ZFYVE28: variants seen among roughly 807,000 people sequenced by gnomAD.
The protein encoded by ZFYVE28 is zinc finger FYVE-type containing 28, also known as lateral signaling target protein 2 homolog.
A neutral mutation model predicts 82.1 loss-of-function variants in ZFYVE28; 40 were observed. The ratio of observed to expected loss-of-function variants is 0.49; its 90% confidence interval spans 0.38 to 0.63. ZFYVE28 has a LOEUF of 0.63. Ranked by LOEUF, ZFYVE28 falls within the 30% of genes least tolerant of loss-of-function variation. ZFYVE28 has a pLI of 0.00. For synonymous variants in ZFYVE28, 612 were observed against 546.1 expected (o/e 1.12, Z -1.68); for missense variants, 1,321 against 1,242.1 (o/e 1.06, Z -0.96).
At chr4:2,276,922 C>T (rs1298144376) in intron 8 of ZFYVE28, among the ~76,000 whole-genome samples, 7 of 151,476 alleles carry the variant, frequency 4.6e-5, no homozygotes, top group African/African-American at 1.2e-4. Context: ...TTCAATGCCA[C>T]GAAATTGTAC....
rs1324996858 is a variant in ZFYVE28 at position 2,335,162 on chromosome 4, T to C, written c.701+543A>G. Among the ~76,000 whole-genome samples the C allele has an allele frequency of 6.6e-6, 1 of 151,846 alleles. No homozygotes were observed. The highest frequency in any genetic ancestry group is 1.9e-4 in the East Asian group (1 of 5,134). On this transcript the variant is annotated intron_variant, in intron 6 of 12. Coordinates refer to ENST00000290974, the MANE Select transcript of ZFYVE28 (RefSeq NM_020972.3). This position sits in a 1 kb window ranked among gnomAD's most constrained non-coding sequence, Gnocchi z 5.8. ...TCCCTGCTCTCCCAGACGGCCCCGC[T>C]GGCAGGAAAGGTTCCACACAGGTAT...
In ZFYVE28 at chr4:2,276,427, T is replaced by C. The variant is rs1234527282; in HGVS notation, c.2052-2211A>G. Among the ~76,000 whole-genome samples the C allele has an allele frequency of 3.8e-4, 58 of 152,224 alleles. 1 individual carries two copies. The highest frequency in any genetic ancestry group is 3.8e-3 in the Admixed American group (58 of 15,286). On this transcript the variant is annotated intron_variant, in intron 8 of 12. Coordinates refer to ENST00000290974, the MANE Select transcript of ZFYVE28 (RefSeq NM_020972.3). The stretch of plus-strand genomic sequence containing the variant: ...AGCTGAATAAGGGAGGGGCCTTCAC[T>C]GTCCAGGATGTCAGCTTCCACTCGG...
chr4:2,352,941 C>T (rs191863594), intron 2 of ZFYVE28, among the ~76,000 whole-genome samples: 1 of 152,360 alleles, frequency 6.6e-6, no homozygotes, highest in African/African-American at 2.4e-5. Context: ...TTTCCTCCTC[C>T]AGGCTCCAGG....
In ZFYVE28 at chr4:2,368,587, G is replaced by A. The variant is rs575898257; in HGVS notation, c.40-14514C>T. 2.4e-3 allele frequency among the ~76,000 whole-genome samples: 372 copies of A among 152,258 alleles called. 1 individual carries two copies. The highest frequency in any genetic ancestry group is 8.4e-3 in the African/African-American group (350 of 41,546). ...ACATTTCCTGTGCATAGAATCATAC[G>A]AAATGGGGCATTTTGTGTCTGTTAC... On this transcript the variant is annotated intron_variant, in intron 1 of 12. Coordinates refer to ENST00000290974, the MANE Select transcript of ZFYVE28 (RefSeq NM_020972.3).
chr4:2,415,451 T>TACACACAC (rs58420760), intron 1 of ZFYVE28, among the ~76,000 whole-genome samples: 3,383 of 147,224 alleles, frequency 0.023, 60 homozygotes, highest in East Asian at 0.038. Flanking sequence ...ACCCTGTCTC[T>TACACACAC]ACACACACAC....
At chr4:2,305,779 TAAAACAA>T (rs967751407) in intron 7 of ZFYVE28, among the ~76,000 whole-genome samples, 8 of 152,256 alleles carry the variant, frequency 5.3e-5, no homozygotes, top group Non-Finnish European at 1.2e-4. Flanking sequence ...GTTTCTTTTT[TAAAACAA>T]GATTCTGGAA....
chr4:2,301,276 G>A (rs1385030898), intron 8 of ZFYVE28, among the ~76,000 whole-genome samples: 1 of 152,142 alleles, frequency 6.6e-6, no homozygotes, highest in African/African-American at 2.4e-5. Context: ...ATGCTCCCAC[G>A]GTGCACACCG....
intron 8 of ZFYVE28, among the ~76,000 whole-genome samples, chr4:2,289,953 G>A (rs990926325): frequency 1.3e-5 from 2 of 152,136 alleles, no homozygotes; most frequent in African/African-American, 4.8e-5. Flanking sequence ...CTCACCCCAG[G>A]GATGCTCTGC....
At chr4:2,304,122 G>T (rs1716090078) in intron 8 of ZFYVE28, among the ~76,000 whole-genome samples, 167 bp downstream of exon 8, 2 of 152,240 alleles carry the variant, frequency 1.3e-5, no homozygotes, top group Non-Finnish European at 2.9e-5. Context: ...GCCAGCTCCT[G>T]CCCCTGCCCC....
chr4:2,272,317 C>T (rs773685288), intron 10 of ZFYVE28, among the ~76,000 whole-genome samples: 1 of 152,192 alleles, frequency 6.6e-6, no homozygotes, highest in Non-Finnish European at 1.5e-5. Flanking sequence ...GAACAGAAGC[C>T]TCTGTGGTGA....
chr4:2,392,155 A>G (rs184313166), intron 1 of ZFYVE28, among the ~76,000 whole-genome samples: 3 of 147,186 alleles, frequency 2.0e-5, no homozygotes, highest in East Asian at 4.0e-4. Flanking sequence ...CTCCATCCCA[A>G]AAAAAAAAAA....
At chr4:2,291,795 A>G (rs1324951000) in intron 8 of ZFYVE28, among the ~76,000 whole-genome samples, 1 of 152,192 alleles carries the variant, frequency 6.6e-6, no homozygotes, top group Non-Finnish European at 1.5e-5. Flanking sequence ...GGAGGACATG[A>G]ACCCTGCCTG....
At chr4:2,399,231 G>C (rs999131249) in intron 1 of ZFYVE28, among the ~76,000 whole-genome samples, 3 of 151,800 alleles carry the variant, frequency 2.0e-5, no homozygotes, top group Non-Finnish European at 4.4e-5. Flanking sequence ...TGCACAATGT[G>C]GGGGGTTGAG....
chr4:2,333,721 C>G (rs529007567), intron 6 of ZFYVE28, among the ~76,000 whole-genome samples: 2 of 152,324 alleles, frequency 1.3e-5, no homozygotes, highest in African/African-American at 4.8e-5. Flanking sequence ...TGTGAGTGCC[C>G]TTGGGACAAG....
chr4:2,365,405 G>C (rs1726766386), intron 1 of ZFYVE28, among the ~76,000 whole-genome samples: 1 of 152,116 alleles, frequency 6.6e-6, no homozygotes. Context: ...GGGCCTCTCA[G>C]TGCACGCAGG....
chr4:2,305,084 G>C lies in ZFYVE28; in HGVS notation c.1256C>G (p.Pro419Arg). ...GCCTGCCCACCCAAATGGGCCAGCT[G>C]GGGACTCGGGCCTGGCCAGGGCTTC... ...TAEALARPESPAGPFGWAGST... is the reference protein window; with the variant it reads ...TAEALARPESRAGPFGWAGST... Residue 419 changes from proline to arginine, a missense_variant, in exon 8 of 13, where the codon CCA becomes CGA. This residue lies in a region of ZFYVE28 where 978 missense variants were observed against 833.7 expected (regional missense o/e 1.17). Transcript: ENST00000290974. 1 of 1,607,766 alleles carries C rather than the reference G, an allele frequency of 6.2e-7. No homozygotes were observed.
intron 6 of ZFYVE28, chr4:2,330,719 A>G (rs995677308): frequency 1.4e-6 from 2 of 1,466,054 alleles, no homozygotes; most frequent in Admixed American, 4.5e-5. Context: ...AGCGTGGAGG[A>G]GGAAACATCA....
chr4:2,273,959 C>T (rs991409348), intron 9 of ZFYVE28, 103 bp downstream of exon 9: 5 of 1,373,554 alleles, frequency 3.6e-6, no homozygotes, highest in African/African-American at 1.4e-5. Context: ...CTGCTGTTTA[C>T]AGGAAAGTGA....
At position 2,339,379 on chromosome 4, in the gene ZFYVE28, G is replaced by T; in HGVS notation, c.521+74C>A. 1 of 1,509,186 alleles carries T rather than the reference G, an allele frequency of 6.6e-7. No individual in the cohort carries two copies. Among genetic ancestry groups the T allele is most frequent in the Non-Finnish European group, 9.0e-7 (1 of 1,112,366 alleles). The allele number at this position is 1,509,186 out of a possible 1,614,324, so 93.5% of individuals were successfully genotyped here. A position where few individuals can be genotyped will look rare whatever the true frequency, so the allele number is the denominator to read the frequency against. On this transcript the variant is annotated intron_variant, in intron 4 of 12. Transcript: ENST00000290974. The surrounding 1 kb of genome is among the most constrained non-coding windows in gnomAD (Gnocchi z 5.0). ...TGGAATTTTCCAGCTTGAAGTATCA[G>T]GGTGAGCCCCGGAAGCTGGCACAAC...
Sources: allele counts gnomAD v4.1 joint callset (sites outside exome capture counted in the v4.1 genomes callset), GRCh38; gene constraint gnomAD v4.1.1; regional missense constraint gnomAD v4.1.1; non-coding constraint Gnocchi (gnomAD v3.1); transcripts MANE v1.5; gene names NCBI Gene and HGNC (gene_info 2026-07-23, HGNC 2026-07-21).